Variants in COL9A1 observed in about 807,000 individuals in gnomAD.
The protein encoded by COL9A1 is collagen type IX alpha 1 chain.
In COL9A1, 104 loss-of-function variants were observed where a neutral mutation model predicts 142.6. The observed-to-expected ratio is 0.73, with a 90% confidence interval of 0.62 to 0.86. The LOEUF is 0.86. COL9A1 is among the 40% of genes least tolerant of loss of function. COL9A1 has a pLI of 0.00. For missense variants in COL9A1, 1,210 were observed against 1,176.6 expected (o/e 1.03, Z -0.42); for synonymous variants, 466 against 396.0 (o/e 1.18, Z -2.10).
chr6:70,224,806 T>C (rs1769123381), intron 37 of COL9A1, among the ~76,000 whole-genome samples: 1 of 152,226 alleles, frequency 6.6e-6, no homozygotes, highest in South Asian at 2.1e-4. Context: ...TTTCCAATTA[T>C]AAAAATTTAT....
At chr6:70,282,990 G>T in intron 6 of COL9A1, 72 bp from the exon 7 acceptor site, 1 of 1,613,730 alleles carries the variant, frequency 6.2e-7, no homozygotes, top group Non-Finnish European at 8.5e-7. Flanking sequence ...CTTGAGCCGC[G>T]CACAAGCAGA....
At chr6:70,217,449 G>A (rs662828) in intron 37 of COL9A1, among the ~76,000 whole-genome samples, 3 of 151,914 alleles carry the variant, frequency 2.0e-5, no homozygotes, top group African/African-American at 7.3e-5. Flanking sequence ...TTAAAGACTT[G>A]ATATGAAAAA....
chr6:70,283,273 G>A (rs1028461163), intron 6 of COL9A1: 2 of 1,420,470 alleles, frequency 1.4e-6, no homozygotes, highest in South Asian at 3.0e-5. Flanking sequence ...AGGGGGCAGG[G>A]GAGGACGGAT....
chr6:70,302,919 C>A lies in COL9A1; in HGVS notation c.6G>T (p.Lys2Asn), dbSNP rs775789844. ...CAGGGTTATTGTCTTACCAGCAGGT[C>A]TTCATTTTCCCAGTTGATTTTCTTT... M[K>N]TCWKIPVFFF... The change falls in exon 1 of 38, where the codon AAG becomes AAT. Residue 2 changes from lysine (K) to asparagine (N), a missense_variant. Lys to Asn is a moderately conservative substitution (Grantham distance 94). Transcript: ENST00000357250. The A allele has an allele frequency of 3.6e-5, 58 of 1,614,070 alleles. No homozygotes were observed. The highest frequency in any genetic ancestry group is 1.7e-4 in the Admixed American group (10 of 60,034).
chr6:70,277,620 G>C (rs1583317606), intron 10 of COL9A1, among the ~76,000 whole-genome samples: 1 of 152,164 alleles, frequency 6.6e-6, no homozygotes, highest in African/African-American at 2.4e-5. Context: ...GTCCTCAATG[G>C]AGATTTCCTT....
At chr6:70,246,020 C>T (rs1335026991) in intron 28 of COL9A1, 1 of 152,256 alleles carries the variant, frequency 6.6e-6, no homozygotes, top group East Asian at 1.9e-4. Context: ...CTCTGTGCTG[C>T]CACATACGTC....
chr6:70,271,524 A>G, intron 14 of COL9A1, 131 bp downstream of exon 14: 2 of 767,746 alleles, frequency 2.6e-6, no homozygotes, highest in South Asian at 1.5e-5. Context: ...TCAATATTAT[A>G]AACTGGAATG....
Position 70,252,332 on chromosome 6 carries a change from A to G in COL9A1, c.1765-17T>C. 1 of 1,612,688 alleles carries G rather than the reference A, an allele frequency of 6.2e-7. No homozygotes were observed. Among genetic ancestry groups the G allele is most frequent in the Non-Finnish European group, 8.5e-7 (1 of 1,178,630 alleles). Reference sequence around the variant, plus strand: ...TGTGCTACCCTAAGGGTAAAATGCAACATCCAAAATAACTCATGCTGAAGT... The same window carrying G: ...TGTGCTACCCTAAGGGTAAAATGCAGCATCCAAAATAACTCATGCTGAAGT... On this transcript the variant is annotated splice_polypyrimidine_tract_variant and intron_variant, in intron 26 of 37. Transcript: ENST00000357250.
In COL9A1 at chr6:70,282,922, G is replaced by A; in HGVS notation, c.781-4C>T. On this transcript the variant is annotated splice_polypyrimidine_tract_variant and splice_region_variant and intron_variant, in intron 6 of 37. Transcript: ENST00000357250. Reference sequence around the variant, plus strand: ...CCTCGTCGGTGGTCTGGCTGGGCTGGAGAAGAAAAGATGGGGAGAAAGTGA... The same window carrying A: ...CCTCGTCGGTGGTCTGGCTGGGCTGAAGAAGAAAAGATGGGGAGAAAGTGA... 1 of 1,614,156 alleles carries A rather than the reference G, an allele frequency of 6.2e-7. No homozygotes were observed. The highest frequency in any genetic ancestry group is 8.5e-7 in the Non-Finnish European group (1 of 1,180,034).
chr6:70,248,412 C>T (rs912688024), intron 28 of COL9A1, among the ~76,000 whole-genome samples: 10 of 152,166 alleles, frequency 6.6e-5, no homozygotes, highest in African/African-American at 2.2e-4. Context: ...AAATGTGTGT[C>T]CATGTCTTCA....
At chr6:70,281,822 C>T (rs1219376115) in intron 7 of COL9A1, among the ~76,000 whole-genome samples, 2 of 152,086 alleles carry the variant, frequency 1.3e-5, no homozygotes, top group Admixed American at 6.6e-5. Flanking sequence ...GGGGCTCATT[C>T]GATACCTCGA....
intron 19 of COL9A1, chr6:70,260,958 C>A: frequency 2.4e-6 from 1 of 419,230 alleles, no homozygotes; most frequent in Middle Eastern, 7.0e-4. Context: ...TCACTTATGA[C>A]AAAAAAAGTA....
chr6:70,274,177 A>C, intron 11 of COL9A1, 95 bp from the exon 12 acceptor site: 12 of 944,328 alleles, frequency 1.3e-5, no homozygotes, highest in Non-Finnish European at 1.7e-5. Flanking sequence ...AAAACACCCC[A>C]TTATGGTGTT....
At chr6:70,254,413 C>A in intron 25 of COL9A1, 63 bp downstream of exon 25, 1 of 1,502,200 alleles carries the variant, frequency 6.7e-7, no homozygotes, top group Non-Finnish European at 9.3e-7. Flanking sequence ...TGTCTCTCCC[C>A]AAAATGTATA....
chr6:70,249,947 T>C (rs1583256781), intron 28 of COL9A1, among the ~76,000 whole-genome samples: 1 of 152,178 alleles, frequency 6.6e-6, no homozygotes, highest in South Asian at 2.1e-4. Context: ...TTTAACTATA[T>C]AGAGCTTTCT....
intron 28 of COL9A1, among the ~76,000 whole-genome samples, chr6:70,245,087 A>G (rs534663311): frequency 6.6e-6 from 1 of 152,348 alleles, no homozygotes; most frequent in African/African-American, 2.4e-5. Flanking sequence ...AAATGCAGGT[A>G]ATTTTACAGA....
Position 70,300,110 on chromosome 6 carries a change from C to T in COL9A1, c.232G>A (p.Val78Met). 1 of 1,613,836 alleles carries T rather than the reference C, an allele frequency of 6.2e-7. No homozygotes were observed. Among genetic ancestry groups the T allele is most frequent in the Non-Finnish European group, 8.5e-7 (1 of 1,179,820 alleles). Residue 78 changes from valine to methionine, a missense_variant, in exon 4 of 38, where the codon GTG becomes ATG. By Grantham distance (21) the Val-to-Met change is conservative. Transcript: ENST00000357250. The stretch of plus-strand genomic sequence containing the variant: ...GCCACCTGCAATGTAGCTGATCCCA[C>T]TACTCTCTGGATAGCTCTTCTAGAT... ...AASRRAIQRVVGSATLQVAYK... is the reference protein window; with the variant it reads ...AASRRAIQRVMGSATLQVAYK...
chr6:70,269,827 A>G (rs1005239629), intron 15 of COL9A1, among the ~76,000 whole-genome samples, 162 bp from the exon 16 acceptor site: 2 of 152,206 alleles, frequency 1.3e-5, no homozygotes, highest in African/African-American at 4.8e-5. Context: ...ACTCATGGGC[A>G]TGTTCTCTTT....
At chr6:70,281,660 A>G (rs1432528236) in intron 7 of COL9A1, among the ~76,000 whole-genome samples, 196 bp from the exon 8 acceptor site, 1 of 152,094 alleles carries the variant, frequency 6.6e-6, no homozygotes, top group East Asian at 1.9e-4. Context: ...CTAATGAGCT[A>G]AACTGTGGGG....
Sources: allele counts gnomAD v4.1 joint callset (sites outside exome capture counted in the v4.1 genomes callset), GRCh38; gene constraint gnomAD v4.1.1; transcripts MANE v1.5; gene names NCBI Gene and HGNC (gene_info 2026-07-23, HGNC 2026-07-21).